The following PLXDC2 variants were observed in gnomAD, a reference collection of about 807,000 sequenced individuals.
The protein encoded by PLXDC2 is plexin domain-containing protein 2.
PLXDC2 carries 40 observed loss-of-function variants against 68.9 expected under a neutral mutation model. The ratio of observed to expected loss-of-function variants is 0.58; its 90% confidence interval spans 0.45 to 0.76. The LOEUF (loss-of-function observed/expected upper bound fraction) is 0.76, where lower values mean the gene tolerates loss of function less well. Ranked by LOEUF, PLXDC2 falls within the 30% of genes least tolerant of loss-of-function variation. PLXDC2 has a pLI of 0.00. For missense variants in PLXDC2, 644 were observed against 661.9 expected (o/e 0.97, Z 0.30); for synonymous variants, 243 against 234.2 (o/e 1.04, Z -0.34).
chr10:19,874,213 G>T lies in PLXDC2; in HGVS notation c.112+57022G>T, dbSNP rs181344770. Among the ~76,000 whole-genome samples the T allele has an allele frequency of 2.0e-4, 31 of 152,326 alleles. No homozygotes were observed. In the East Asian group the frequency reaches 6.0e-3, roughly 29 times the overall value. On this transcript the variant is annotated intron_variant, in intron 1 of 13. Coordinates refer to ENST00000377252, the MANE Select transcript of PLXDC2 (RefSeq NM_032812.9). ...GAGCTTGTATTTATGATTTAATTTA[G>T]AGTGCAGGTCTAACTTCAGGAAAAC...
intron 2 of PLXDC2, among the ~76,000 whole-genome samples, chr10:20,021,911 C>A (rs965517826): frequency 6.6e-6 from 1 of 152,034 alleles, no homozygotes; most frequent in Non-Finnish European, 1.5e-5. Flanking sequence ...GTTGGTCAGG[C>A]TGGTCTCGAA....
At chr10:20,208,204 A>AT (rs1835018794) in intron 9 of PLXDC2, among the ~76,000 whole-genome samples, 1 of 152,142 alleles carries the variant, frequency 6.6e-6, no homozygotes, top group Non-Finnish European at 1.5e-5. Flanking sequence ...TGATAAAGAC[A>AT]TATCTTAGAC....
chr10:20,279,707 G>A lies in PLXDC2; in HGVS notation c.1478G>A (p.Arg493His), dbSNP rs754065346. The A allele has an allele frequency of 9.9e-6, 16 of 1,613,440 alleles. No individual in the cohort carries two copies. The highest frequency in any genetic ancestry group is 5.3e-5 in the African/African-American group (4 of 74,958). Residue 493 changes from arginine (R) to histidine (H), a missense_variant, in exon 14 of 14, where the codon CGC becomes CAC. Physicochemically the swap from Arg to His is conservative, Grantham distance 29 (BLOSUM62 0). Around this residue, in one of 3 missense-constraint regions of PLXDC2, gnomAD observed 330 missense variants for 327.9 expected, o/e 1.01. Coordinates refer to ENST00000377252, the MANE Select transcript of PLXDC2 (RefSeq NM_032812.9). Reference sequence around the variant, plus strand: ...TTTTTGTGTTTTCTGTTTCAGAGACGCCCAAGCAGATGGCCTGCGATGAAG... The same window carrying A: ...TTTTTGTGTTTTCTGTTTCAGAGACACCCAAGCAGATGGCCTGCGATGAAG... ...SAASIFFIER[R>H]PSRWPAMKFR...
At chr10:20,231,090 A>C (rs1835358576) in intron 12 of PLXDC2, among the ~76,000 whole-genome samples, 4 of 151,910 alleles carry the variant, frequency 2.6e-5, no homozygotes, top group Admixed American at 2.6e-4. Flanking sequence ...TGGTTTAATC[A>C]TTCCACAATG....
In PLXDC2 at chr10:19,894,811, G is replaced by A. The variant is rs971048135; in HGVS notation, c.112+77620G>A. On this transcript the variant is annotated intron_variant, in intron 1 of 13. Coordinates refer to ENST00000377252, the MANE Select transcript of PLXDC2 (RefSeq NM_032812.9). The stretch of plus-strand genomic sequence containing the variant: ...GGAGAGGATATGGAGAAATAGGAAC[G>A]CTTTTACACTGTTGGTGGGAGTGTA... 3.3e-5 allele frequency among the ~76,000 whole-genome samples: 5 copies of A among 152,236 alleles called. No homozygotes were observed. The East Asian group carries it at 5.8e-4, about 18-fold the overall frequency.
intron 9 of PLXDC2, among the ~76,000 whole-genome samples, chr10:20,201,506 G>A (rs917308179): frequency 6.6e-6 from 1 of 151,534 alleles, no homozygotes; most frequent in Non-Finnish European, 1.5e-5. Flanking sequence ...AGATTATAAT[G>A]ATACAAAACT....
chr10:19,939,723 T>G (rs948188125), intron 1 of PLXDC2, among the ~76,000 whole-genome samples: 2 of 152,154 alleles, frequency 1.3e-5, no homozygotes, highest in African/African-American at 2.4e-5. Flanking sequence ...GGAAAGAACT[T>G]CCTTCATATA....
intron 1 of PLXDC2, among the ~76,000 whole-genome samples, chr10:19,957,032 T>A (rs1834081313): frequency 6.6e-6 from 1 of 152,204 alleles, no homozygotes; most frequent in Non-Finnish European, 1.5e-5. Context: ...GCACAAATGT[T>A]CCTGTCTTCA....
intron 10 of PLXDC2, among the ~76,000 whole-genome samples, chr10:20,216,972 G>A (rs1835145898): frequency 1.3e-5 from 2 of 152,146 alleles, no homozygotes; most frequent in South Asian, 4.1e-4. Context: ...AAGTAGTATG[G>A]GGAAGTTAGC....
chr10:20,141,715 C>T (rs1005776945), intron 4 of PLXDC2, among the ~76,000 whole-genome samples: 1 of 151,934 alleles, frequency 6.6e-6, no homozygotes, highest in Non-Finnish European at 1.5e-5. Flanking sequence ...TAATATTGCA[C>T]TTTGAATATT....
intron 11 of PLXDC2, among the ~76,000 whole-genome samples, chr10:20,218,045 A>G (rs1345361502): frequency 1.3e-5 from 2 of 152,222 alleles, no homozygotes; most frequent in African/African-American, 4.8e-5. Context: ...ATATTGGTCT[A>G]TAACCTATAC....
intron 1 of PLXDC2, among the ~76,000 whole-genome samples, chr10:19,914,802 A>G (rs1036601995): frequency 1.3e-5 from 2 of 152,180 alleles, no homozygotes; most frequent in Non-Finnish European, 2.9e-5. Context: ...ATGACCTGAA[A>G]CCATGAATTA....
chr10:20,205,112 T>G (rs1030933847), intron 9 of PLXDC2, among the ~76,000 whole-genome samples: 14 of 152,162 alleles, frequency 9.2e-5, no homozygotes, highest in African/African-American at 3.4e-4. Context: ...CTGACACAAG[T>G]TAGAGATTTG....
chr10:20,193,555 A>G (rs1490865846), intron 9 of PLXDC2, among the ~76,000 whole-genome samples: 1 of 152,018 alleles, frequency 6.6e-6, no homozygotes, highest in Non-Finnish European at 1.5e-5. Flanking sequence ...ATGGAAGGAG[A>G]GAGAACATGA....
intron 4 of PLXDC2, among the ~76,000 whole-genome samples, chr10:20,078,256 T>A (rs1306330487): frequency 2.0e-5 from 3 of 152,192 alleles, no homozygotes; most frequent in Non-Finnish European, 4.4e-5. Flanking sequence ...GGTGGTATGC[T>A]TCTGTAGTCC....
At chr10:20,045,778 A>G (rs2131681943) in intron 2 of PLXDC2, among the ~76,000 whole-genome samples, 1 of 152,288 alleles carries the variant, frequency 6.6e-6, no homozygotes, top group South Asian at 2.1e-4. Context: ...AGACCTATTT[A>G]TTCAACATTT....
At chr10:20,109,750 A>C (rs960273882) in intron 4 of PLXDC2, among the ~76,000 whole-genome samples, 3 of 152,158 alleles carry the variant, frequency 2.0e-5, no homozygotes, top group Admixed American at 6.5e-5. Flanking sequence ...AATCTTTAGA[A>C]CTCGAATGAC....
chr10:20,137,074 T>A (rs1449960282), intron 4 of PLXDC2, among the ~76,000 whole-genome samples: 1 of 152,186 alleles, frequency 6.6e-6, no homozygotes, highest in Admixed American at 6.5e-5. Flanking sequence ...TAATGTACCT[T>A]AACTCAAACA....
chr10:20,107,668 C>T (rs1833509479), intron 4 of PLXDC2, among the ~76,000 whole-genome samples: 1 of 152,100 alleles, frequency 6.6e-6, no homozygotes, highest in Admixed American at 6.5e-5. Flanking sequence ...TGACTTTCAC[C>T]AGTCTTCCTG....
Sources: gnomAD v4.1 joint callset for allele counts (sites outside exome capture counted in the v4.1 genomes callset) on GRCh38, gnomAD v4.1.1 for gene constraint, gnomAD v4.1.1 regional missense constraint, MANE v1.5 for transcripts, NCBI Gene and HGNC (gene_info 2026-07-23, HGNC 2026-07-21) for gene names.